Variants in UGT1A9 observed in about 807,000 individuals in gnomAD.
UGT1A9 encodes UDP glucuronosyltransferase family 1 member A9, also known as UDP-glucuronosyltransferase 1A9.
A neutral mutation model predicts 45.0 loss-of-function variants in UGT1A9; 35 were observed. That is an observed-to-expected ratio of 0.78 (90% CI 0.59 to 1.03). The LOEUF (loss-of-function observed/expected upper bound fraction) is 1.03. UGT1A9 is among the 50% of genes least tolerant of loss of function. UGT1A9 has a pLI of 0.00. For synonymous variants in UGT1A9, 278 were observed against 250.6 expected, an observed-to-expected ratio of 1.11 and a Z score of -1.03; for missense variants, 687 against 666.6, an observed-to-expected ratio of 1.03 and a Z score of -0.34.
intron 1 of UGT1A9, among the ~76,000 whole-genome samples, chr2:233,687,003 T>C (rs2074816550): frequency 2.0e-5 from 3 of 152,210 alleles, no homozygotes; most frequent in South Asian, 2.1e-4. Context: ...GTTTCAACAC[T>C]AGAGGACTTT....
chr2:233,757,298 TG>T (rs1270061010), intron 1 of UGT1A9, among the ~76,000 whole-genome samples: 3 of 5,528 alleles, frequency 5.4e-4, no homozygotes, highest in Non-Finnish European at 9.8e-4. Context: ...AGCTGGGGGT[TG>T]GGGGACAGGG....
intron 1 of UGT1A9, chr2:233,682,046 C>T (rs762674386): frequency 6.2e-7 from 1 of 1,614,106 alleles, no homozygotes; most frequent in Admixed American, 1.7e-5. Context: ...GGATGGGAGC[C>T]ACTGGTTCAC....
intron 1 of UGT1A9, chr2:233,760,610 G>T (rs1389365341): frequency 1.2e-6 from 2 of 1,614,182 alleles, no homozygotes; most frequent in South Asian, 2.2e-5. Flanking sequence ...TTCCTGCAGC[G>T]TGTGATCAAA....
At chr2:233,767,454 G>A (rs1699397027) in intron 2 of UGT1A9, among the ~76,000 whole-genome samples, 1 of 152,122 alleles carries the variant, frequency 6.6e-6, no homozygotes, top group South Asian at 2.1e-4. Context: ...TAAAATAAAT[G>A]GGATATTGTT....
rs2076922721 is a variant in UGT1A9, at chr2:233,721,129, T to G, written c.856-45905T>G. 2.0e-5 allele frequency among the ~76,000 whole-genome samples: 3 copies of G among 152,198 alleles called. 1 individual carries two copies. Among genetic ancestry groups the G allele is most frequent in the Admixed American group, 2.0e-4 (3 of 15,284 alleles). On this transcript the variant is annotated intron_variant, in intron 1 of 4. Transcript: ENST00000354728. ...TTATTTCTGTACTTCTTTTTATTAGTGTAGGTATTATTGCAAAGGACACTA... is the reference window on the plus strand; with the variant it reads ...TTATTTCTGTACTTCTTTTTATTAGGGTAGGTATTATTGCAAAGGACACTA...
chr2:233,726,853 CAT>C (rs1443656538), intron 1 of UGT1A9, among the ~76,000 whole-genome samples: 1 of 152,180 alleles, frequency 6.6e-6, no homozygotes, highest in Non-Finnish European at 1.5e-5. Context: ...TCCTTTTCTC[CAT>C]AGTCTTCTAT....
Position 233,682,788 on chromosome 2 carries a change from C to A in UGT1A9, c.855+9999C>A, listed in dbSNP as rs757573093. 1.4e-5 allele frequency: 22 copies of A among 1,611,778 alleles called. 1 individual carries two copies. In the Admixed American group the frequency reaches 3.3e-4, roughly 24 times the overall value. The stretch of plus-strand genomic sequence containing the variant: ...AACTGTCATCAGGGAAAGCCAGTGC[C>A]TATGGTAAGTTATCTCCCCTTTAGC... On this transcript the variant is annotated intron_variant, in intron 1 of 4. Coordinates refer to ENST00000354728, the MANE Select transcript of UGT1A9 (RefSeq NM_021027.3).
intron 1 of UGT1A9, chr2:233,743,959 C>T (rs371517697): frequency 1.3e-4 from 174 of 1,333,872 alleles, no homozygotes; most frequent in Non-Finnish European, 1.7e-4. Flanking sequence ...GCACAGCGAG[C>T]GGCAAGGCTG....
chr2:233,760,837 A>T (rs1440575421), intron 1 of UGT1A9: 4 of 1,613,664 alleles, frequency 2.5e-6, no homozygotes, highest in Non-Finnish European at 3.4e-6. Flanking sequence ...ATTTGAGGCT[A>T]CCCAGTGCCC....
At chr2:233,673,181 T>C (rs2125503703) in intron 1 of UGT1A9, among the ~76,000 whole-genome samples, 1 of 152,322 alleles carries the variant, frequency 6.6e-6, no homozygotes, top group East Asian at 1.9e-4. Context: ...ATATACAATA[T>C]CTAATGTAAA....
At position 233,769,924 on chromosome 2, in the gene UGT1A9, G is replaced by A. The variant is rs1699985317; in HGVS notation, c.1295+1485G>A. On this transcript the variant is annotated intron_variant, in intron 4 of 4. Coordinates refer to ENST00000354728, the MANE Select transcript of UGT1A9 (RefSeq NM_021027.3). This position sits in a 1 kb window ranked among gnomAD's most constrained non-coding sequence, Gnocchi z 4.4. Reference sequence around the variant, plus strand: ...TCATGTGCCCAGAGCGTTGGGTGGTGTGGTCCCATTCCTTCCTTCCAGCGG... The same window carrying A: ...TCATGTGCCCAGAGCGTTGGGTGGTATGGTCCCATTCCTTCCTTCCAGCGG... 1.1e-5 allele frequency: 3 copies of A among 268,160 alleles called. No individual in the cohort carries two copies. In the South Asian group the frequency reaches 2.2e-4, roughly 20 times the overall value. 16.6% of individuals were successfully genotyped at this position (268,160 alleles called of 1,614,324 possible). A position where few individuals can be genotyped will look rare whatever the true frequency, so the allele number is the denominator to read the frequency against.
rs549830960 is a variant in UGT1A9 at position 233,681,501 on chromosome 2, A to G, written c.855+8712A>G. 2.6e-4 allele frequency among the ~76,000 whole-genome samples: 37 copies of G among 143,558 alleles called. 1 individual carries two copies. Among genetic ancestry groups the G allele is most frequent in the African/African-American group, 9.4e-4 (36 of 38,412 alleles). 94.2% of individuals were successfully genotyped at this position (143,558 alleles called of 152,430 possible). A position where few individuals can be genotyped will look rare whatever the true frequency, so the allele number is the denominator to read the frequency against. The stretch of plus-strand genomic sequence containing the variant: ...AGCCTAGATCTTACCACTGCACTCC[A>G]GCCTGGATGACACAGTGAGACTCCA... On this transcript the variant is annotated intron_variant, in intron 1 of 4. Transcript: ENST00000354728.
intron 1 of UGT1A9, among the ~76,000 whole-genome samples, chr2:233,766,240 CT>C (rs1055344910): frequency 2.0e-5 from 3 of 151,920 alleles, no homozygotes; most frequent in African/African-American, 7.3e-5. Flanking sequence ...AGGGTTTCCC[CT>C]GGAGTCAGAC....
intron 1 of UGT1A9, among the ~76,000 whole-genome samples, chr2:233,714,260 A>T (rs2076376447): frequency 6.6e-6 from 1 of 152,230 alleles, no homozygotes; most frequent in East Asian, 1.9e-4. Context: ...ATAGAAATTT[A>T]CAATTGTTGA....
intron 1 of UGT1A9, among the ~76,000 whole-genome samples, chr2:233,757,936 C>A (rs1430982400): frequency 6.6e-6 from 1 of 152,072 alleles, no homozygotes; most frequent in African/African-American, 2.4e-5. Context: ...AAAGCAAGAC[C>A]ATCATATTGC....
chr2:233,746,553 C>T lies in UGT1A9; in HGVS notation c.856-20481C>T, dbSNP rs984942036. On this transcript the variant is annotated intron_variant, in intron 1 of 4. Transcript: ENST00000354728. The stretch of plus-strand genomic sequence containing the variant: ...GCTGCCCTGCTGTGTGACTTCTTAG[C>T]CCCTAGAGCACCACACCCTGTAATT... 4.6e-5 allele frequency among the ~76,000 whole-genome samples: 7 copies of T among 151,780 alleles called. 1 individual carries two copies. The highest frequency in any genetic ancestry group is 1.7e-4 in the African/African-American group (7 of 41,054).
chr2:233,695,766 G>C (rs2125565233), intron 1 of UGT1A9, among the ~76,000 whole-genome samples: 1 of 152,106 alleles, frequency 6.6e-6, no homozygotes, highest in South Asian at 2.1e-4. Context: ...CCTTTTTTAT[G>C]GCTGAATAAT....
At chr2:233,732,140 G>A (rs1172524883) in intron 1 of UGT1A9, among the ~76,000 whole-genome samples, 1 of 135,546 alleles carries the variant, frequency 7.4e-6, no homozygotes, top group African/African-American at 2.8e-5. Flanking sequence ...TTGTTTGTTT[G>A]TTTTTTTTCT....
At chr2:233,749,725 C>T in intron 1 of UGT1A9, among the ~76,000 whole-genome samples, 1 of 151,866 alleles carries the variant, frequency 6.6e-6, no homozygotes, top group East Asian at 1.9e-4. Flanking sequence ...GGCAGTTTCG[C>T]ACCTGCTGGT....
Sources: gnomAD v4.1 joint callset for allele counts (sites outside exome capture counted in the v4.1 genomes callset) on GRCh38, gnomAD v4.1.1 for gene constraint, Gnocchi (gnomAD v3.1) non-coding constraint, MANE v1.5 for transcripts, NCBI Gene and HGNC (gene_info 2026-07-23, HGNC 2026-07-21) for gene names.